DPP10: variants seen among roughly 807,000 people sequenced by gnomAD.
DPP10 encodes the protein dipeptidyl peptidase like 10.
Under a neutral mutation model 120.9 loss-of-function variants are expected in DPP10, and 33 were observed. That is an observed-to-expected ratio of 0.27 (90% CI 0.21 to 0.37). The LOEUF is 0.37. Among genes scored for constraint, DPP10 ranks in the 10% least tolerant of loss-of-function variants. The pLI, the probability that DPP10 is intolerant of heterozygous loss-of-function variation, is 1.00. For synonymous variants in DPP10, 337 were observed against 326.1 expected, an observed-to-expected ratio of 1.03 and a Z score of -0.36; for missense variants, 816 against 942.8, an observed-to-expected ratio of 0.87 and a Z score of 1.76.
At chr2:115,606,492 G>C (rs1035052547) in intron 5 of DPP10, among the ~76,000 whole-genome samples, 1 of 152,046 alleles carries the variant, frequency 6.6e-6, no homozygotes, top group Non-Finnish European at 1.5e-5. Context: ...CTTTTAAATT[G>C]TTTCCTTCAC....
At chr2:115,521,814 T>G (rs376148965) in intron 4 of DPP10, among the ~76,000 whole-genome samples, 26 of 152,294 alleles carry the variant, frequency 1.7e-4, no homozygotes, top group Non-Finnish European at 2.2e-4. Flanking sequence ...CTGATTTTGC[T>G]TCTTTCTTGG....
At chr2:115,772,287 G>C (rs1681571582) in intron 13 of DPP10, among the ~76,000 whole-genome samples, 1 of 151,992 alleles carries the variant, frequency 6.6e-6, no homozygotes, top group Non-Finnish European at 1.5e-5. Flanking sequence ...TAATTTAGTG[G>C]CAATTTGTTG....
At chr2:115,811,371 G>A (rs77927084) in intron 19 of DPP10, among the ~76,000 whole-genome samples, 2,776 of 152,218 alleles carry the variant, frequency 0.018, 87 homozygotes, top group African/African-American at 0.061. Flanking sequence ...TGAAATTGTA[G>A]TTTTCTTCTA....
intron 1 of DPP10, among the ~76,000 whole-genome samples, chr2:114,937,828 G>A (rs1338362776): frequency 1.3e-5 from 2 of 152,122 alleles, no homozygotes; most frequent in South Asian, 4.1e-4. Flanking sequence ...TCTAAAAGCC[G>A]TCTTTGTTCC....
chr2:115,086,321 C>G (rs1708690904), intron 1 of DPP10, among the ~76,000 whole-genome samples: 1 of 152,166 alleles, frequency 6.6e-6, no homozygotes, highest in Non-Finnish European at 1.5e-5. Context: ...CTATCCATCT[C>G]AGGTCTTTAG....
intron 2 of DPP10, among the ~76,000 whole-genome samples, chr2:115,321,728 C>CT (rs1474802327): frequency 6.6e-6 from 1 of 151,584 alleles, no homozygotes. Context: ...ACTCTTTTTT[C>CT]TTTCTGCTTT....
intron 1 of DPP10, among the ~76,000 whole-genome samples, chr2:114,510,589 C>A (rs1573528810): frequency 6.6e-6 from 1 of 152,000 alleles, no homozygotes; most frequent in East Asian, 1.9e-4. Flanking sequence ...GGTGACAGAG[C>A]AAGACTCTGT....
chr2:114,547,816 G>A (rs1687541778), intron 1 of DPP10, among the ~76,000 whole-genome samples: 1 of 152,198 alleles, frequency 6.6e-6, no homozygotes, highest in Non-Finnish European at 1.5e-5. Context: ...ACCTGTCACT[G>A]TGGAAGAGTG....
At chr2:114,584,256 G>T (rs6729737) in intron 1 of DPP10, among the ~76,000 whole-genome samples, 94,464 of 151,926 alleles carry the variant, frequency 0.62, 29,424 homozygotes, top group East Asian at 0.69. Context: ...TTTGTAGTTA[G>T]TGAAAAGAAT....
chr2:115,059,261 T>G (rs1357760389), intron 1 of DPP10, among the ~76,000 whole-genome samples: 4 of 152,188 alleles, frequency 2.6e-5, no homozygotes, highest in African/African-American at 7.2e-5. Flanking sequence ...TTAGCATATT[T>G]TCTTAATAAA....
intron 1 of DPP10, among the ~76,000 whole-genome samples, chr2:114,942,388 T>C (rs28546095): frequency 8.3e-5 from 3 of 36,002 alleles, no homozygotes; most frequent in African/African-American, 2.5e-4. Flanking sequence ...CATATATATA[T>C]ATACACACAC....
At chr2:115,642,365 TGGGTG>T (rs2086854704) in intron 5 of DPP10, among the ~76,000 whole-genome samples, 3 of 152,090 alleles carry the variant, frequency 2.0e-5, no homozygotes, top group Non-Finnish European at 4.4e-5. Context: ...TCCCACAAGG[TGGGTG>T]GGCTCATCCA....
intron 5 of DPP10, among the ~76,000 whole-genome samples, chr2:115,653,159 G>A (rs1322493941): frequency 2.6e-5 from 4 of 151,788 alleles, no homozygotes; most frequent in Admixed American, 1.3e-4. Context: ...ATTGTGACAG[G>A]TAATTGAAAA....
chr2:114,460,625 A>T (rs1158441501), intron 1 of DPP10, among the ~76,000 whole-genome samples: 1 of 152,136 alleles, frequency 6.6e-6, no homozygotes, highest in Non-Finnish European at 1.5e-5. Flanking sequence ...ACTGTGTGTT[A>T]CTTTTATTTA....
rs1701921996 is a variant in DPP10, at chr2:115,007,254, GC to G, written c.61-301984del. The stretch of plus-strand genomic sequence containing the variant: ...ATCAAGTGGGCTTCATCCCTGGGAT[GC>G]AAGCCTGGTTCAATATACGCAAATC... On this transcript the variant is annotated intron_variant, in intron 1 of 25. Transcript: ENST00000410059. Among the ~76,000 whole-genome samples, 4 of 152,278 alleles carry G rather than the reference GC, an allele frequency of 2.6e-5. No homozygotes were observed. In the South Asian group the frequency reaches 8.3e-4, roughly 32 times the overall value.
chr2:114,809,215 T>C (rs542856633), intron 1 of DPP10, among the ~76,000 whole-genome samples: 1 of 152,302 alleles, frequency 6.6e-6, no homozygotes, highest in Non-Finnish European at 1.5e-5. Context: ...GTGTCCTAGA[T>C]TGGCCAAGTT....
chr2:115,256,033 A>G (rs1173895185), intron 1 of DPP10, among the ~76,000 whole-genome samples: 1 of 152,112 alleles, frequency 6.6e-6, no homozygotes, highest in African/African-American at 2.4e-5. Flanking sequence ...TGTGGTACCA[A>G]TTTACTATAG....
chr2:114,513,690 G>T (rs1684360143), intron 1 of DPP10, among the ~76,000 whole-genome samples: 1 of 152,096 alleles, frequency 6.6e-6, no homozygotes, highest in Non-Finnish European at 1.5e-5. Context: ...CTATAGAAAG[G>T]ATTAGATTAG....
intron 1 of DPP10, among the ~76,000 whole-genome samples, chr2:114,844,483 T>C (rs1209617919): frequency 6.6e-6 from 1 of 151,726 alleles, no homozygotes; most frequent in Non-Finnish European, 1.5e-5. Flanking sequence ...TTTTTGTGAA[T>C]ACAAGAACTG....
Sources: gnomAD v4.1 joint callset for allele counts (sites outside exome capture counted in the v4.1 genomes callset) on GRCh38, gnomAD v4.1.1 for gene constraint, MANE v1.5 for transcripts, NCBI Gene and HGNC (gene_info 2026-07-23, HGNC 2026-07-21) for gene names.